GALNT18: variants seen among roughly 807,000 people sequenced by gnomAD.
GALNT18 encodes the protein GalNAc-transferase 18.
A neutral mutation model predicts 69.5 loss-of-function variants in GALNT18; 44 were observed. The ratio of observed to expected loss-of-function variants is 0.63; its 90% CI spans 0.50 to 0.81. GALNT18 has a LOEUF of 0.81. Ranked by LOEUF, GALNT18 falls within the 40% of genes least tolerant of loss-of-function variation. GALNT18 has a pLI of 0.00. For missense variants in GALNT18, 715 were observed against 810.0 expected (o/e 0.88, Z 1.42); for synonymous variants, 364 against 318.2 (o/e 1.14, Z -1.53).
chr11:11,508,452 G>C (rs1042090962), intron 1 of GALNT18, among the ~76,000 whole-genome samples: 6 of 152,194 alleles, frequency 3.9e-5, no homozygotes, highest in African/African-American at 1.2e-4. Context: ...GTAATTCTAA[G>C]TGTGGTCACT....
intron 9 of GALNT18, among the ~76,000 whole-genome samples, chr11:11,297,560 C>A (rs1025868090): frequency 6.6e-6 from 1 of 152,066 alleles, no homozygotes. Context: ...CAGGGGGAGC[C>A]GGGAGAGGAC....
chr11:11,565,570 A>G (rs1409813628), intron 1 of GALNT18, among the ~76,000 whole-genome samples: 1 of 152,218 alleles, frequency 6.6e-6, no homozygotes, highest in East Asian at 1.9e-4. Context: ...TGGTCCTAAG[A>G]ATAGGAGAGG....
chr11:11,619,899 G>A lies in GALNT18; in HGVS notation c.235+1460C>T, dbSNP rs569930710. On this transcript the variant is annotated intron_variant, in intron 1 of 10. Transcript: ENST00000227756. The surrounding 1 kb of genome is among the most constrained non-coding windows in gnomAD (Gnocchi z 4.9). ...GTCAATGTCCCTCTTTTCTGGGAAG[G>A]TGCCGAAGCCATGGGCTTGTTTTGA... Among the ~76,000 whole-genome samples the A allele has an allele frequency of 9.1e-4, 139 of 152,318 alleles. No individual in the cohort carries two copies. The highest frequency in any genetic ancestry group is 1.8e-3 in the Admixed American group (27 of 15,308).
chr11:11,311,010 G>A (rs1299253453), intron 9 of GALNT18, among the ~76,000 whole-genome samples: 2 of 152,136 alleles, frequency 1.3e-5, no homozygotes, highest in Non-Finnish European at 2.9e-5. Context: ...TCCCGTCTCA[G>A]ATTCTCAGCC....
At position 11,271,214 on chromosome 11, in the gene GALNT18, T is replaced by G; in HGVS notation, c.1754A>C (p.Gln585Pro). Reference protein sequence around the residue: ...QENSDLEFGFQLVLQKCSGQH... With the variant: ...QENSDLEFGFPLVLQKCSGQH... ...GCCCGAGCACTTCTGCAACACCAGC[T>G]GGAAGCCGAACTCCAGGTCGCTATT... Residue 585 changes from glutamine to proline, a missense_variant, in exon 11 of 11, where the codon CAG (glutamine) becomes CCG (proline). Physicochemically the swap from Gln to Pro is moderately conservative, Grantham distance 76 (BLOSUM62 -1). Transcript: ENST00000227756. 6.2e-7 allele frequency: 1 copy of G among 1,614,156 alleles called. No homozygotes were observed. Among genetic ancestry groups the G allele is most frequent in the Non-Finnish European group, 8.5e-7 (1 of 1,180,006 alleles).
chr11:11,360,610 G>A (rs1850624326), intron 6 of GALNT18, among the ~76,000 whole-genome samples: 1 of 151,772 alleles, frequency 6.6e-6, no homozygotes, highest in East Asian at 1.9e-4. Context: ...CTATCAGTAT[G>A]CTTTTATCCA....
At position 11,372,388 on chromosome 11, in the gene GALNT18, A is replaced by G; in HGVS notation, c.1092+127T>C. On this transcript the variant is annotated intron_variant, in intron 6 of 10. Coordinates refer to ENST00000227756, the MANE Select transcript of GALNT18 (RefSeq NM_198516.3). The surrounding 1 kb of genome is among the most constrained non-coding windows in gnomAD (Gnocchi z 4.9). The stretch of plus-strand genomic sequence containing the variant: ...TGTCTTCCCAATCCCAATCACACAC[A>G]GGATTCAGGACTGGACATTCAGAAT... 4.3e-6 allele frequency: 3 copies of G among 704,796 alleles called. No individual in the cohort carries two copies. Among genetic ancestry groups the G allele is most frequent in the Non-Finnish European group, 7.3e-6 (3 of 409,902 alleles). The allele number at this position is 704,796 out of a possible 1,614,324, so 43.7% of individuals were successfully genotyped here.
At chr11:11,517,128 G>T (rs919622212) in intron 1 of GALNT18, among the ~76,000 whole-genome samples, 1 of 152,248 alleles carries the variant, frequency 6.6e-6, no homozygotes, top group Non-Finnish European at 1.5e-5. Flanking sequence ...CACTGAACCT[G>T]CTGGGGCTTT....
At chr11:11,408,435 A>T (rs192299921) in intron 3 of GALNT18, among the ~76,000 whole-genome samples, 1 of 151,876 alleles carries the variant, frequency 6.6e-6, no homozygotes, top group East Asian at 1.9e-4. Context: ...CTCTCAATGA[A>T]CAGATCAGAG....
rs188579301 is a variant in GALNT18 at position 11,539,923 on chromosome 11, G to A, written c.235+81436C>T. Among the ~76,000 whole-genome samples, 6 of 152,360 alleles carry A rather than the reference G, an allele frequency of 3.9e-5. No individual in the cohort carries two copies. The East Asian group carries it at 7.7e-4, about 20-fold the overall frequency. On this transcript the variant is annotated intron_variant, in intron 1 of 10. Transcript: ENST00000227756. The stretch of plus-strand genomic sequence containing the variant: ...AAACTGGAATTTGCTTTACACAAGT[G>A]TGATATACAGTTTCCAGACACAGTG...
rs892487437 is a variant in GALNT18, at chr11:11,435,727, CT to C, written c.429-2941del. On this transcript the variant is annotated intron_variant, in intron 2 of 10. Transcript: ENST00000227756. The surrounding 1 kb of genome is among the most constrained non-coding windows in gnomAD (Gnocchi z 4.4). ...CGGCCTACATTTTGAGTGTCTGCCG[CT>C]GATGTCAGACTGCTCCTTTTTCTTA... 2.6e-5 allele frequency among the ~76,000 whole-genome samples: 4 copies of C among 152,150 alleles called. No homozygotes were observed. The highest frequency in any genetic ancestry group is 9.7e-5 in the African/African-American group (4 of 41,448).
chr11:11,572,227 G>A (rs1858809348), intron 1 of GALNT18, among the ~76,000 whole-genome samples: 2 of 152,206 alleles, frequency 1.3e-5, no homozygotes, highest in African/African-American at 2.4e-5. Flanking sequence ...CCTTGACCAC[G>A]TAACCACTCG....
chr11:11,486,855 G>A (rs537828354), intron 1 of GALNT18, among the ~76,000 whole-genome samples: 5 of 152,206 alleles, frequency 3.3e-5, no homozygotes, highest in Non-Finnish European at 7.3e-5. Context: ...AGCAGCCAAA[G>A]CCCAAATGTA....
At chr11:11,420,601 A>G (rs1337228967) in intron 3 of GALNT18, among the ~76,000 whole-genome samples, 1 of 152,218 alleles carries the variant, frequency 6.6e-6, no homozygotes, top group African/African-American at 2.4e-5. Flanking sequence ...AGGAAAGCAG[A>G]AGGAGGACCC....
chr11:11,583,154 A>G lies in GALNT18; in HGVS notation c.235+38205T>C, dbSNP rs758912002. On this transcript the variant is annotated intron_variant, in intron 1 of 10. Transcript: ENST00000227756. This position sits in a 1 kb window ranked among gnomAD's most constrained non-coding sequence, Gnocchi z 4.7. The stretch of plus-strand genomic sequence containing the variant: ...TTACACTCAATTTGTCCCTTTAATG[A>G]GGTTTTTCCACAGCAGCACAGAACC... 3.9e-5 allele frequency among the ~76,000 whole-genome samples: 6 copies of G among 152,158 alleles called. No homozygotes were observed. The highest frequency in any genetic ancestry group is 7.3e-5 in the Non-Finnish European group (5 of 68,034).
At chr11:11,464,673 C>G (rs1213325640) in intron 1 of GALNT18, among the ~76,000 whole-genome samples, 1 of 152,148 alleles carries the variant, frequency 6.6e-6, no homozygotes, top group South Asian at 2.1e-4. Context: ...TAATATGCAT[C>G]AAGATACAGC....
intron 10 of GALNT18, among the ~76,000 whole-genome samples, chr11:11,285,806 TTAG>T (rs1849181390): frequency 6.6e-6 from 1 of 152,214 alleles, no homozygotes; most frequent in Non-Finnish European, 1.5e-5. Flanking sequence ...TTTGGCAGAA[TTAG>T]TGGTGTTCCC....
chr11:11,450,118 T>A (rs187109923), intron 1 of GALNT18, among the ~76,000 whole-genome samples: 9 of 152,238 alleles, frequency 5.9e-5, no homozygotes, highest in Non-Finnish European at 1.3e-4. Context: ...TGCTCACAAA[T>A]TCATGAGGGA....
At chr11:11,464,993 C>T (rs6484928) in intron 1 of GALNT18, among the ~76,000 whole-genome samples, 105,161 of 152,118 alleles carry the variant, frequency 0.69, 37,098 homozygotes, top group Non-Finnish European at 0.77. Flanking sequence ...GATGGAATTA[C>T]GAGCAGTGGG....
Sources: allele counts gnomAD v4.1 joint callset (sites outside exome capture counted in the v4.1 genomes callset), GRCh38; gene constraint gnomAD v4.1.1; non-coding constraint Gnocchi (gnomAD v3.1); transcripts MANE v1.5; gene names NCBI Gene and HGNC (gene_info 2026-07-23, HGNC 2026-07-21).